Variants in COL27A1 observed in about 807,000 individuals in gnomAD.
The protein encoded by COL27A1 is collagen alpha-1(XXVII) chain.
Under a neutral mutation model 251.3 loss-of-function variants are expected in COL27A1, and 106 were observed. The observed-to-expected ratio is 0.42, with a 90% CI of 0.36 to 0.50. The LOEUF (loss-of-function observed/expected upper bound fraction) is 0.50, where lower values mean the gene tolerates loss of function less well. Among genes scored for constraint, COL27A1 ranks in the 20% least tolerant of loss-of-function variants. The pLI, the probability that COL27A1 is intolerant of heterozygous loss-of-function variation, is 0.00. For missense variants in COL27A1, 2,325 were observed against 2,522.8 expected, an observed-to-expected ratio of 0.92 and a Z score of 1.68; for synonymous variants, 1,000 against 986.3, an observed-to-expected ratio of 1.01 and a Z score of -0.26.
At chr9:114,249,876 A>G (rs562925356) in intron 24 of COL27A1, among the ~76,000 whole-genome samples, 3 of 152,252 alleles carry the variant, frequency 2.0e-5, no homozygotes, top group South Asian at 2.1e-4. Context: ...CTCAGTTTGT[A>G]TTTTCCTTAG....
chr9:114,172,133 A>G (rs1438487021), intron 3 of COL27A1, among the ~76,000 whole-genome samples: 1 of 152,236 alleles, frequency 6.6e-6, no homozygotes, highest in Non-Finnish European at 1.5e-5. Context: ...GGAAGCTGGT[A>G]GAATCTTTGT....
At position 114,302,057 on chromosome 9, in the gene COL27A1, A is replaced by T. The variant is rs774227924; in HGVS notation, c.4846-25A>T. 5 of 1,607,822 alleles carry T rather than the reference A, an allele frequency of 3.1e-6. No individual in the cohort carries two copies. The South Asian group carries it at 4.4e-5, about 14-fold the overall frequency. ...TCCAGCACACTGTCCCTGTCATTTG[A>T]CTGACCCGCAGTCTTCTTTTGCAGG... On this transcript the variant is annotated intron_variant, in intron 55 of 60. Coordinates refer to ENST00000356083, the MANE Select transcript of COL27A1 (RefSeq NM_032888.4).
intron 19 of COL27A1, among the ~76,000 whole-genome samples, chr9:114,238,247 A>T (rs1760975540): frequency 6.6e-6 from 1 of 152,236 alleles, no homozygotes; most frequent in Admixed American, 6.5e-5. Context: ...AGGGTTTCTG[A>T]TGTGTGTGAT....
intron 40 of COL27A1, 148 bp downstream of exon 40, chr9:114,283,910 C>T (rs1836091810): frequency 1.2e-5 from 10 of 809,390 alleles, no homozygotes; most frequent in Non-Finnish European, 1.8e-5. Context: ...CCCCAGGGAG[C>T]GCTGGGCCCA....
At position 114,290,102 on chromosome 9, in the gene COL27A1, G is replaced by C. The variant is rs888466096; in HGVS notation, c.4251G>C (p.Arg1417Ser). Reference protein sequence around the residue: ...KQGKAGAPGRRGVQGLQGLPG... With the variant: ...KQGKAGAPGRSGVQGLQGLPG... ...GCAAGGCAGGGGCCCCAGGCCGGAG[G>C]GGGGTCCAGGTGAGTGACTACAGCT... The change falls in exon 46 of 61, where the codon AGG (arginine) becomes AGC (serine). Residue 1417 changes from arginine (R) to serine (S), a missense_variant. By Grantham distance (110) the Arg-to-Ser change is moderately radical (BLOSUM62 -1). Around this residue, in one of 4 missense-constraint regions of COL27A1, gnomAD observed 662 missense variants for 795.3 expected, o/e 0.83. Transcript: ENST00000356083. This position sits in a 1 kb window ranked among gnomAD's most constrained non-coding sequence, Gnocchi z 4.6. The C allele has an allele frequency of 1.2e-6, 2 of 1,611,748 alleles. No individual in the cohort carries two copies. The highest frequency in any genetic ancestry group is 1.7e-6 in the Non-Finnish European group (2 of 1,179,960).
At chr9:114,227,756 A>G (rs117155952) in intron 14 of COL27A1, among the ~76,000 whole-genome samples, 1,737 of 152,226 alleles carry the variant, frequency 0.011, 32 homozygotes, top group Non-Finnish European at 0.012. Flanking sequence ...CTGGGAGCTT[A>G]GAGAAAAGTG....
Position 114,219,811 on chromosome 9 carries a change from G to A in COL27A1, c.2388G>A (p.Gly796=). 1 of 1,611,758 alleles carries A rather than the reference G, an allele frequency of 6.2e-7. No individual in the cohort carries two copies. Among genetic ancestry groups the A allele is most frequent in the Non-Finnish European group, 8.5e-7 (1 of 1,177,934 alleles). ...MGMPGFPGVF[G]ERGPPGLDGN... ...TCCAGGGGTTTCCTGGAGTCTTTGGGGAAAGAGGCCCTCCTGGACTGGATG... is the reference window on the plus strand; with the variant it reads ...TCCAGGGGTTTCCTGGAGTCTTTGGAGAAAGAGGCCCTCCTGGACTGGATG... The change falls in exon 13 of 61, where the codon GGG becomes GGA. Residue 796 remains glycine (G), a synonymous_variant. Transcript: ENST00000356083.
chr9:114,211,099 C>T, intron 12 of COL27A1, 73 bp downstream of exon 12: 1 of 1,451,460 alleles, frequency 6.9e-7, no homozygotes, highest in African/African-American at 1.4e-5. Context: ...CTGCCCTGGC[C>T]ACCTGCTGCC....
chr9:114,169,439 A>G lies in COL27A1; in HGVS notation c.1884A>G (p.Gly628=). ...TCCCTCTGCTGATGGGGCCTCCGGG[A>G]CCCAAGGGAGACTGTGGCTTGCCGG... ...TPFPLLMGPP[G]PKGDCGLPGP... Residue 628 remains glycine, a synonymous_variant, in exon 3 of 61, where the codon GGA becomes GGG. Coordinates refer to ENST00000356083, the MANE Select transcript of COL27A1 (RefSeq NM_032888.4). The G allele has an allele frequency of 6.5e-7, 1 of 1,549,900 alleles. No homozygotes were observed. Among genetic ancestry groups the G allele is most frequent in the Non-Finnish European group, 8.7e-7 (1 of 1,149,924 alleles).
intron 17 of COL27A1, among the ~76,000 whole-genome samples, chr9:114,235,982 C>T (rs1233324899): frequency 6.6e-6 from 1 of 152,134 alleles, no homozygotes; most frequent in Non-Finnish European, 1.5e-5. Context: ...GACACCCTGG[C>T]TCCCTAACCA....
At chr9:114,247,861 A>T (rs1328518636) in intron 24 of COL27A1, among the ~76,000 whole-genome samples, 4 of 152,218 alleles carry the variant, frequency 2.6e-5, no homozygotes, top group African/African-American at 9.6e-5. Flanking sequence ...TAATCATAGT[A>T]CTGGGTCGGT....
intron 19 of COL27A1, among the ~76,000 whole-genome samples, chr9:114,239,426 AG>A (rs1246013636): frequency 6.6e-6 from 1 of 152,206 alleles, no homozygotes; most frequent in Non-Finnish European, 1.5e-5. Context: ...TTTACAGATG[AG>A]GAAGCTGAGG....
chr9:114,307,601 T>C, intron 58 of COL27A1, 68 bp from the exon 59 acceptor site: 1 of 1,112,018 alleles, frequency 9.0e-7, no homozygotes, highest in Non-Finnish European at 1.4e-6. Context: ...GCAGGGTCCA[T>C]CTACAGAACC....
intron 14 of COL27A1, among the ~76,000 whole-genome samples, chr9:114,222,984 A>G (rs745640307): frequency 2.0e-5 from 3 of 152,202 alleles, no homozygotes; most frequent in Non-Finnish European, 4.4e-5. Flanking sequence ...ACCTCCTGAA[A>G]TGCCCAGGAC....
chr9:114,234,997 T>C (rs1451926020), intron 16 of COL27A1, among the ~76,000 whole-genome samples: 1 of 146,118 alleles, frequency 6.8e-6, no homozygotes, highest in Non-Finnish European at 1.5e-5. Context: ...GAGAATCACC[T>C]GAGTCCGGGA....
At chr9:114,181,374 G>T (rs1028442828) in intron 4 of COL27A1, among the ~76,000 whole-genome samples, 1 of 152,168 alleles carries the variant, frequency 6.6e-6, no homozygotes, top group Non-Finnish European at 1.5e-5. Flanking sequence ...ATTCGGAGAA[G>T]GGGAGGGTCC....
intron 16 of COL27A1, among the ~76,000 whole-genome samples, chr9:114,233,520 G>T (rs189377368): frequency 3.9e-5 from 6 of 152,342 alleles, no homozygotes; most frequent in African/African-American, 4.8e-5. Flanking sequence ...GAGGCAGGGG[G>T]TTCCCCACAC....
intron 14 of COL27A1, among the ~76,000 whole-genome samples, chr9:114,229,475 C>T (rs1008392316): frequency 1.3e-5 from 2 of 152,230 alleles, no homozygotes. Context: ...CAGGCAGCTC[C>T]GACAAGAACT....
chr9:114,238,444 G>A (rs1426660797), intron 19 of COL27A1, among the ~76,000 whole-genome samples: 6 of 152,184 alleles, frequency 3.9e-5, no homozygotes, highest in Admixed American at 3.3e-4. Flanking sequence ...GCCAACCTCA[G>A]TTGGAGCCCC....
Sources: gnomAD v4.1 joint callset for allele counts (sites outside exome capture counted in the v4.1 genomes callset) on GRCh38, gnomAD v4.1.1 for gene constraint, gnomAD v4.1.1 regional missense constraint, Gnocchi (gnomAD v3.1) non-coding constraint, MANE v1.5 for transcripts, NCBI Gene and HGNC (gene_info 2026-07-23, HGNC 2026-07-21) for gene names.